RASGEF1B: variants seen among roughly 807,000 people sequenced by gnomAD.
RASGEF1B encodes RasGEF domain family member 1B, also known as ras-GEF domain-containing family member 1B.
Under a neutral mutation model 65.7 loss-of-function variants are expected in RASGEF1B, and 30 were observed. The ratio of observed to expected loss-of-function variants is 0.46; its 90% CI spans 0.34 to 0.62. The LOEUF is 0.62. Ranked by LOEUF, RASGEF1B falls within the 20% of genes least tolerant of loss-of-function variation. The probability of loss-of-function intolerance (pLI) is 0.01; values close to 1 mark genes in which losing one functional copy is unlikely to be tolerated. For missense variants in RASGEF1B, 495 were observed against 580.1 expected (o/e 0.85, Z 1.51); for synonymous variants, 175 against 194.8 (o/e 0.90, Z 0.85).
Position 81,447,575 on chromosome 4 carries a change from T to C in RASGEF1B, c.658A>G (p.Arg220Gly), listed in dbSNP as rs150186538. 9.9e-6 allele frequency: 16 copies of C among 1,613,008 alleles called. No homozygotes were observed. The highest frequency in any genetic ancestry group is 1.1e-5 in the Non-Finnish European group (13 of 1,179,220). ...AQQLTHIELE[R>G]LNYIGPEEFV... ...TCTTCTGGCCCAATATAATTGAGCC[T>C]CTCCTGAAACACAAACCCAGAAGGT... The change falls in exon 6 of 14, where the codon AGG becomes GGG. Residue 220 changes from arginine (R) to glycine (G), a missense_variant. Physicochemically the swap from Arg to Gly is moderately radical, Grantham distance 125. Coordinates refer to ENST00000264400, the MANE Select transcript of RASGEF1B (RefSeq NM_152545.3).
intron 4 of RASGEF1B, 138 bp downstream of exon 4, chr4:81,456,513 C>G: frequency 1.2e-6 from 1 of 839,130 alleles, no homozygotes; most frequent in Non-Finnish European, 2.1e-6. Context: ...CTAAATAGAC[C>G]AATATGTGAT....
intron 4 of RASGEF1B, chr4:81,454,262 C>T (rs1427000330): frequency 2.6e-5 from 4 of 152,062 alleles, no homozygotes; most frequent in Admixed American, 2.0e-4. Flanking sequence ...CTTTGACTGC[C>T]GCAACAACAA....
chr4:81,448,034 G>A (rs745830823), intron 5 of RASGEF1B, 35 bp downstream of exon 5: 1 of 1,566,832 alleles, frequency 6.4e-7, no homozygotes, highest in Admixed American at 1.7e-5. Context: ...AAGCAAATCT[G>A]TGGTTGTAAA....
chr4:81,438,086 G>T (rs79367320), intron 10 of RASGEF1B, among the ~76,000 whole-genome samples: 1,701 of 152,264 alleles, frequency 0.011, 19 homozygotes, highest in Non-Finnish European at 0.015. Flanking sequence ...ACCTAGAAAT[G>T]AATGCTGATA....
At chr4:81,442,242 T>C (rs1449894874) in intron 9 of RASGEF1B, 55 bp downstream of exon 9, 2 of 1,158,842 alleles carry the variant, frequency 1.7e-6, no homozygotes, top group African/African-American at 3.0e-5. Flanking sequence ...CATAAAGGAA[T>C]TCCACTTTCC....
In RASGEF1B at chr4:81,464,707, A is replaced by G. The variant is rs1380635308; in HGVS notation, c.-6-5193T>C. Among the ~76,000 whole-genome samples the G allele has an allele frequency of 2.6e-5, 4 of 152,134 alleles. No individual in the cohort carries two copies. The East Asian group carries it at 7.7e-4, about 29-fold the overall frequency. The stretch of plus-strand genomic sequence containing the variant: ...CTGACCTGCACAGAACCTAGATATT[A>G]TTTCTCTACGCCAAGGAAGAAGAAC... On this transcript the variant is annotated intron_variant, in intron 1 of 13. Coordinates refer to ENST00000264400, the MANE Select transcript of RASGEF1B (RefSeq NM_152545.3).
chr4:81,437,086 T>C (rs1261489220), intron 10 of RASGEF1B, among the ~76,000 whole-genome samples: 1 of 152,232 alleles, frequency 6.6e-6, no homozygotes, highest in Non-Finnish European at 1.5e-5. Context: ...TATTTGTGAA[T>C]GGGAATGCTG....
intron 10 of RASGEF1B, among the ~76,000 whole-genome samples, chr4:81,435,698 A>G (rs917836051): frequency 4.5e-4 from 65 of 145,186 alleles, no homozygotes; most frequent in Admixed American, 1.6e-3. Flanking sequence ...GATGGTCTCG[A>G]TCTCCTGACC....
intron 3 of RASGEF1B, among the ~76,000 whole-genome samples, 181 bp downstream of exon 3, chr4:81,457,318 G>C (rs1160481892): frequency 6.6e-6 from 1 of 152,272 alleles, no homozygotes; most frequent in South Asian, 2.1e-4. Flanking sequence ...CACCCGAACT[G>C]CATTTGATTT....
chr4:81,431,401 A>G (rs924424606), intron 13 of RASGEF1B, among the ~76,000 whole-genome samples: 6 of 152,166 alleles, frequency 3.9e-5, no homozygotes, highest in African/African-American at 1.2e-4. Context: ...AACATCTCCA[A>G]TCCTTCACCA....
chr4:81,449,674 A>T (rs1487110431), intron 4 of RASGEF1B, among the ~76,000 whole-genome samples: 3 of 152,238 alleles, frequency 2.0e-5, no homozygotes, highest in Admixed American at 6.5e-5. Flanking sequence ...TTTTAAAAAA[A>T]TACCACAATA....
At chr4:81,427,950 A>G (rs1248742154) in intron 13 of RASGEF1B, among the ~76,000 whole-genome samples, 158 bp from the exon 14 acceptor site, 1 of 152,358 alleles carries the variant, frequency 6.6e-6, no homozygotes, top group South Asian at 2.1e-4. Context: ...TTTAAGTCCT[A>G]TTGGCTCTCT....
chr4:81,456,299 T>C lies in RASGEF1B; in HGVS notation c.438+352A>G, dbSNP rs1722438142. 6.9e-6 allele frequency: 4 copies of C among 580,954 alleles called. No homozygotes were observed. In the South Asian group the frequency reaches 8.9e-5, roughly 13 times the overall value. 36.0% of individuals were successfully genotyped at this position (580,954 alleles called of 1,614,324 possible). A position where few individuals can be genotyped will look rare whatever the true frequency, so the allele number is the denominator to read the frequency against. ...TACTTTGTATCCACTAGTGTTTATG[T>C]CTACTAACATGCCATTTATCATCTA... On this transcript the variant is annotated intron_variant, in intron 4 of 13. Transcript: ENST00000264400.
At chr4:81,452,322 C>A (rs1044780534) in intron 4 of RASGEF1B, 2 of 152,228 alleles carry the variant, frequency 1.3e-5, no homozygotes, top group African/African-American at 4.8e-5. Context: ...GGTGGTCAGG[C>A]TGGTCTTGAA....
intron 5 of RASGEF1B, 134 bp downstream of exon 5, chr4:81,447,935 C>A (rs1029675710): frequency 8.6e-6 from 6 of 700,866 alleles, no homozygotes; most frequent in African/African-American, 1.8e-5. Context: ...AAGTATGTTT[C>A]AGCTATCTCA....
chr4:81,436,692 A>T (rs890553423), intron 10 of RASGEF1B, among the ~76,000 whole-genome samples: 2 of 152,220 alleles, frequency 1.3e-5, no homozygotes, highest in Non-Finnish European at 2.9e-5. Context: ...AAGTTCCCTA[A>T]GCTTATGACT....
chr4:81,435,456 G>A (rs1578613314), intron 10 of RASGEF1B, among the ~76,000 whole-genome samples: 1 of 141,430 alleles, frequency 7.1e-6, no homozygotes, highest in Non-Finnish European at 1.5e-5. Flanking sequence ...TATCATTGCA[G>A]GCACCGATTT....
At chr4:81,432,018 G>T (rs1721447340) in intron 13 of RASGEF1B, among the ~76,000 whole-genome samples, 1 of 151,404 alleles carries the variant, frequency 6.6e-6, no homozygotes, top group Non-Finnish European at 1.5e-5. Flanking sequence ...CAAAGTCAAT[G>T]CATTTTTTTT....
In RASGEF1B at chr4:81,445,581, G is replaced by A. The variant is rs1013555469; in HGVS notation, c.873C>T (p.Asp291=). 8 of 1,613,842 alleles carry A rather than the reference G, an allele frequency of 5.0e-6. No individual in the cohort carries two copies. In the Admixed American group the frequency reaches 5.0e-5, roughly 10 times the overall value. ...CAATGTTAAAACACTCCCGAGCTACGTCAATGAAATACTCAATCATTCTTG... is the reference window on the plus strand; with the variant it reads ...CAATGTTAAAACACTCCCGAGCTACATCAATGAAATACTCAATCATTCTTG... ...HRARMIEYFI[D]VARECFNIGN... The change falls in exon 8 of 14, where the codon GAC becomes GAT. Residue 291 remains aspartate, a synonymous_variant. Coordinates refer to ENST00000264400, the MANE Select transcript of RASGEF1B (RefSeq NM_152545.3).
Sources: allele counts gnomAD v4.1 joint callset (sites outside exome capture counted in the v4.1 genomes callset), GRCh38; gene constraint gnomAD v4.1.1; transcripts MANE v1.5; gene names NCBI Gene and HGNC (gene_info 2026-07-23, HGNC 2026-07-21).